Variants in ELOVL6 observed in about 807,000 individuals in gnomAD.
The protein encoded by ELOVL6 is very long chain fatty acid elongase 6.
ELOVL6 carries 8 observed loss-of-function variants against 31.7 expected under a neutral mutation model. The observed-to-expected ratio is 0.25, with a 90% confidence interval of 0.15 to 0.45. The LOEUF (loss-of-function observed/expected upper bound fraction) is 0.45, where lower values mean the gene tolerates loss of function less well. Ranked by LOEUF, ELOVL6 falls within the 20% of genes least tolerant of loss-of-function variation. The pLI, the probability that ELOVL6 is intolerant of heterozygous loss-of-function variation, is 1.00. For missense variants in ELOVL6, 126 were observed against 326.4 expected (o/e 0.39, Z 4.73); for synonymous variants, 101 against 117.7 (o/e 0.86, Z 0.92).
chr4:110,082,600 G>T (rs1427902218), intron 2 of ELOVL6, among the ~76,000 whole-genome samples: 1 of 151,682 alleles, frequency 6.6e-6, no homozygotes, highest in Non-Finnish European at 1.5e-5. Context: ...GTTGTGGGGT[G>T]GGGGTAGGGA....
chr4:110,194,737 C>A (rs573473162), intron 1 of ELOVL6, among the ~76,000 whole-genome samples: 1 of 152,084 alleles, frequency 6.6e-6, no homozygotes, highest in Non-Finnish European at 1.5e-5. Flanking sequence ...TGGATTATAG[C>A]GTATGTTTAA....
At chr4:110,087,803 GT>G (rs1560817556) in intron 2 of ELOVL6, among the ~76,000 whole-genome samples, 1 of 135,500 alleles carries the variant, frequency 7.4e-6, no homozygotes, top group African/African-American at 2.8e-5. Flanking sequence ...AAATAAAATT[GT>G]AAAAAAAAAA....
chr4:110,140,842 A>T (rs1757932079), intron 1 of ELOVL6, among the ~76,000 whole-genome samples: 1 of 151,928 alleles, frequency 6.6e-6, no homozygotes, highest in South Asian at 2.1e-4. Flanking sequence ...AATATTGTGC[A>T]TATTCTTTTA....
intron 1 of ELOVL6, among the ~76,000 whole-genome samples, chr4:110,182,208 T>C (rs1759293603): frequency 1.3e-5 from 2 of 152,208 alleles, no homozygotes; most frequent in South Asian, 2.1e-4. Context: ...ATTAATGTTT[T>C]TTATCATCCT....
rs57846282 is a variant in ELOVL6 at position 110,061,549 on chromosome 4, C to CTTTTTTTT, written c.222-1803_222-1796dup. Among the ~76,000 whole-genome samples the CTTTTTTTT allele has an allele frequency of 6.8e-3, 489 of 72,356 alleles. 50 individuals carry two copies. Among genetic ancestry groups the CTTTTTTTT allele is most frequent in the Non-Finnish European group, 9.1e-3 (351 of 38,676 alleles). 47.5% of individuals were successfully genotyped at this position (72,356 alleles called of 152,430 possible). On this transcript the variant is annotated intron_variant, in intron 2 of 3. Coordinates refer to ENST00000302274, the MANE Select transcript of ELOVL6 (RefSeq NM_024090.3). ...CTGTCTTTCCCTCACCAAATGATGG[C>CTTTTTTTT]TTTTTTTTTTTTTTTTTTTTTTTTT... is the stretch of plus-strand genomic sequence containing the variant.
At position 110,198,434 on chromosome 4, in the gene ELOVL6, C is replaced by A; in HGVS notation, c.-99G>T. On this transcript the variant is annotated 5_prime_UTR_variant, in exon 1 of 4. Coordinates refer to ENST00000302274, the MANE Select transcript of ELOVL6 (RefSeq NM_024090.3). ...TGTTCTCCTGTCTGCTTCCCCCACC[C>A]ACCCCCCTAGGTCTTCCCCACGCCG... 1 of 751,694 alleles carries A rather than the reference C, an allele frequency of 1.3e-6. No individual in the cohort carries two copies. Among genetic ancestry groups the A allele is most frequent in the Non-Finnish European group, 2.3e-6 (1 of 438,792 alleles). The allele number at this position is 751,694 out of a possible 1,614,324, so 46.6% of individuals were successfully genotyped here.
chr4:110,194,711 C>G (rs1027524167), intron 1 of ELOVL6, among the ~76,000 whole-genome samples: 3 of 152,098 alleles, frequency 2.0e-5, no homozygotes, highest in Non-Finnish European at 4.4e-5. Context: ...TTAATTTGCG[C>G]TATGGTTAGT....
At chr4:110,084,156 A>T (rs1246295664) in intron 2 of ELOVL6, among the ~76,000 whole-genome samples, 6 of 94,752 alleles carry the variant, frequency 6.3e-5, no homozygotes, top group Admixed American at 3.6e-4. Flanking sequence ...GATATATATA[A>T]CATATATGTG....
intron 2 of ELOVL6, among the ~76,000 whole-genome samples, chr4:110,098,257 G>A (rs533071716): frequency 6.6e-6 from 1 of 151,826 alleles, no homozygotes; most frequent in Non-Finnish European, 1.5e-5. Context: ...TCATTATTGG[G>A]TGGGATAGGT....
chr4:110,095,150 G>A (rs1035529178), intron 2 of ELOVL6, among the ~76,000 whole-genome samples: 1 of 152,158 alleles, frequency 6.6e-6, no homozygotes, highest in South Asian at 2.1e-4. Context: ...AACAAATAGA[G>A]GAAGAATGGA....
intron 2 of ELOVL6, among the ~76,000 whole-genome samples, chr4:110,088,644 C>A (rs570096463): frequency 3.9e-5 from 6 of 152,182 alleles, no homozygotes; most frequent in Admixed American, 6.5e-5. Context: ...AAAGCACTTT[C>A]TGGCTTCTCT....
At chr4:110,093,503 A>G (rs1176450525) in intron 2 of ELOVL6, among the ~76,000 whole-genome samples, 1 of 152,232 alleles carries the variant, frequency 6.6e-6, no homozygotes, top group East Asian at 1.9e-4. Context: ...ATAAACTTGC[A>G]GTTCTTTGTC....
At chr4:110,111,429 GTT>G (rs5860999) in intron 1 of ELOVL6, among the ~76,000 whole-genome samples, 11 of 145,724 alleles carry the variant, frequency 7.5e-5, no homozygotes, top group Non-Finnish European at 1.2e-4. Context: ...AAACCTTTCA[GTT>G]TTTTTTTTTC....
chr4:110,115,113 A>G (rs1343481935), intron 1 of ELOVL6, among the ~76,000 whole-genome samples: 1 of 152,206 alleles, frequency 6.6e-6, no homozygotes. Context: ...TTTCACGTTA[A>G]CTATTGGATA....
intron 1 of ELOVL6, among the ~76,000 whole-genome samples, chr4:110,186,379 C>T (rs967769792): frequency 6.6e-6 from 1 of 152,104 alleles, no homozygotes; most frequent in Admixed American, 6.6e-5. Flanking sequence ...CCGGCCCCCA[C>T]ACAACGTAAA....
At chr4:110,186,553 T>G (rs1294477773) in intron 1 of ELOVL6, among the ~76,000 whole-genome samples, 1 of 151,776 alleles carries the variant, frequency 6.6e-6, no homozygotes, top group Admixed American at 6.6e-5. Flanking sequence ...GTGCAATGGC[T>G]CTAATCCCAG....
chr4:110,189,275 C>A (rs1394781788), intron 1 of ELOVL6, among the ~76,000 whole-genome samples: 1 of 151,814 alleles, frequency 6.6e-6, no homozygotes, highest in African/African-American at 2.4e-5. Context: ...ACAAGCAAGA[C>A]CCTGTCTCTA....
chr4:110,157,704 C>A (rs1052172841), intron 1 of ELOVL6, among the ~76,000 whole-genome samples: 1 of 152,066 alleles, frequency 6.6e-6, no homozygotes, highest in Admixed American at 6.6e-5. Flanking sequence ...TATTTTATTT[C>A]CTTAAGAAAA....
intron 1 of ELOVL6, among the ~76,000 whole-genome samples, chr4:110,172,992 C>T (rs1758998884): frequency 6.6e-6 from 1 of 152,164 alleles, no homozygotes; most frequent in South Asian, 2.1e-4. Flanking sequence ...TTCTCATATG[C>T]TTATGTTCCA....
Sources: gnomAD v4.1 joint callset for allele counts (sites outside exome capture counted in the v4.1 genomes callset) on GRCh38, gnomAD v4.1.1 for gene constraint, MANE v1.5 for transcripts, NCBI Gene and HGNC (gene_info 2026-07-23, HGNC 2026-07-21) for gene names.